TOP1MT: variants seen among roughly 807,000 people sequenced by gnomAD.
TOP1MT encodes the protein DNA topoisomerase I, mitochondrial.
TOP1MT carries 80 observed loss-of-function variants against 73.9 expected under a neutral mutation model. That is an observed-to-expected ratio of 1.08 (90% CI 0.90 to 1.30). TOP1MT has a LOEUF of 1.30. Ranked by LOEUF, TOP1MT falls within the 50% of genes most tolerant of loss-of-function variation. TOP1MT has a pLI of 0.00. For synonymous variants in TOP1MT, 338 were observed against 326.4 expected (o/e 1.04, Z -0.38); for missense variants, 815 against 808.0 (o/e 1.01, Z -0.10).
chr8:143,339,758 G>A (rs1037190521), upstream of TOP1MT, among the ~76,000 whole-genome samples: 4 of 149,666 alleles, frequency 2.7e-5, no homozygotes, highest in African/African-American at 9.9e-5. Flanking sequence ...GGCCTGTGCT[G>A]GTCTAAACTG....
At chr8:143,314,496 A>G (rs916124912) in intron 12 of TOP1MT, among the ~76,000 whole-genome samples, 20 of 150,242 alleles carry the variant, frequency 1.3e-4, no homozygotes, top group Admixed American at 1.1e-3. Flanking sequence ...CGGGAGGCTG[A>G]GGCAGGAGAA....
chr8:143,350,296 A>G (rs964260428), intron 1 of TOP1MT: 1 of 151,982 alleles, frequency 6.6e-6, no homozygotes, highest in Non-Finnish European at 1.5e-5. Flanking sequence ...GAACACAACC[A>G]CTATACACCA....
chr8:143,331,498 C>A (rs916644079), intron 1 of TOP1MT, among the ~76,000 whole-genome samples, 159 bp from the exon 2 acceptor site: 2 of 152,180 alleles, frequency 1.3e-5, no homozygotes, highest in Non-Finnish European at 2.9e-5. Context: ...GGAGGCAACC[C>A]TACCTGACCT....
chr8:143,339,923 A>G (rs1290598776), intron 2 of TOP1MT, among the ~76,000 whole-genome samples: 2 of 84,436 alleles, frequency 2.4e-5, no homozygotes, highest in South Asian at 5.4e-4. Context: ...GCACTGGTCT[A>G]CACAGCATTA....
At position 143,324,469 on chromosome 8, in the gene TOP1MT, C is replaced by A. The variant is rs1169489999; in HGVS notation, c.816+16G>T. 3 of 1,613,618 alleles carry A rather than the reference C, an allele frequency of 1.9e-6. No individual in the cohort carries two copies. Among genetic ancestry groups the A allele is most frequent in the Non-Finnish European group, 2.5e-6 (3 of 1,179,976 alleles). ...ACCTCCTGGGGAGGAAACACCCTGC[C>A]AAGCCCTGCGCTCACCTTCAGCTTC... On this transcript the variant is annotated intron_variant, in intron 6 of 13. Coordinates refer to ENST00000329245, the MANE Select transcript of TOP1MT (RefSeq NM_052963.3).
rs557425803 is a variant in TOP1MT at position 143,343,029 on chromosome 8, A to G, written c.29+191T>C. On this transcript the variant is annotated intron_variant, in intron 2 of 5. Coordinates refer to the TOP1MT transcript ENST00000518007. ...ACCCACCTCCGCCTCCCAAAGTGCTAGGATTATAGGCATGAGCCACCACGC... is the reference window on the plus strand; with the variant it reads ...ACCCACCTCCGCCTCCCAAAGTGCTGGGATTATAGGCATGAGCCACCACGC... Among the ~76,000 whole-genome samples the G allele has an allele frequency of 3.4e-3, 515 of 152,146 alleles. 1 individual carries two copies. The highest frequency in any genetic ancestry group is 6.2e-3 in the Non-Finnish European group (420 of 68,008).
At chr8:143,357,289 A>G (rs1487093062), upstream of TOP1MT, among the ~76,000 whole-genome samples, 5 of 151,232 alleles carry the variant, frequency 3.3e-5, no homozygotes, top group African/African-American at 9.7e-5. Flanking sequence ...AGTGCACACC[A>G]GTAGTCCAGC....
At chr8:143,330,439 C>T (rs1194828496) in intron 2 of TOP1MT, among the ~76,000 whole-genome samples, 1 of 152,198 alleles carries the variant, frequency 6.6e-6, no homozygotes, top group Non-Finnish European at 1.5e-5. Context: ...ACAGCTAGAA[C>T]CTCTGTCCCT....
At chr8:143,320,377 G>T (rs1346418198) in intron 8 of TOP1MT, among the ~76,000 whole-genome samples, 1 of 152,018 alleles carries the variant, frequency 6.6e-6, no homozygotes, top group Non-Finnish European at 1.5e-5. Flanking sequence ...TGATCCACCC[G>T]CCTTGGCCTC....
chr8:143,344,510 A>G lies in TOP1MT; in HGVS notation c.-39+406T>C. 6.6e-6 allele frequency: 1 copy of G among 152,142 alleles called. No individual in the cohort carries two copies. Among genetic ancestry groups the G allele is most frequent in the Non-Finnish European group, 1.5e-5 (1 of 68,218 alleles). 9.4% of individuals were successfully genotyped at this position (152,142 alleles called of 1,614,324 possible). A position where few individuals can be genotyped will look rare whatever the true frequency, so the allele number is the denominator to read the frequency against. On this transcript the variant is annotated intron_variant, in intron 1 of 5. Transcript: ENST00000518007. This position sits in a 1 kb window ranked among gnomAD's most constrained non-coding sequence, Gnocchi z 4.6. ...CCGTGACTCCCCCAGCCCCATGCCCACCCAGGATACAAAGGCAAGCCTCCC... is the reference window on the plus strand; with the variant it reads ...CCGTGACTCCCCCAGCCCCATGCCCGCCCAGGATACAAAGGCAAGCCTCCC...
At position 143,316,033 on chromosome 8, in the gene TOP1MT, G is replaced by T; in HGVS notation, c.1424C>A (p.Thr475Lys). Residue 475 changes from threonine (T) to lysine (K), a missense_variant, in exon 11 of 14, where the codon ACG becomes AAG. By Grantham distance (78) the Thr-to-Lys change is moderately conservative. Coordinates refer to ENST00000329245, the MANE Select transcript of TOP1MT (RefSeq NM_052963.3). ...GAGATTCTGCATCGACTTCTCGAAC[G>T]TACTGGGGGTTGCTCGCTGATGGTT... ...LCNHQRATPS[T>K]FEKSMQNLQT... The T allele has an allele frequency of 6.2e-7, 1 of 1,614,140 alleles. No homozygotes were observed. Among genetic ancestry groups the T allele is most frequent in the Non-Finnish European group, 8.5e-7 (1 of 1,179,982 alleles).
At position 143,334,825 on chromosome 8, in the gene TOP1MT, G is replaced by T. The variant is rs1563768371; in HGVS notation, c.37C>A (p.Leu13Met). 2 of 1,523,396 alleles carry T rather than the reference G, an allele frequency of 1.3e-6. No individual in the cohort carries two copies. The highest frequency in any genetic ancestry group is 4.1e-5 in the Admixed American group (2 of 48,308). The allele number at this position is 1,523,396 out of a possible 1,614,324, so 94.4% of individuals were successfully genotyped here. A position where few individuals can be genotyped will look rare whatever the true frequency, so the allele number is the denominator to read the frequency against. Residue 13 changes from leucine to methionine, a missense_variant, in exon 1 of 14, where the codon CTG (leucine) becomes ATG (methionine). This residue lies in a region of TOP1MT where 60 missense variants were observed against 65.9 expected (regional missense o/e 0.91). Transcript: ENST00000329245. ...CGGGGGACCTCCCCGAGCAGCGTCAGAGCCGCCCGGAGCCGCAGCAGCCGC... is the reference window on the plus strand; with the variant it reads ...CGGGGGACCTCCCCGAGCAGCGTCATAGCCGCCCGGAGCCGCAGCAGCCGC... ...VVRLLRLRAA[L>M]TLLGEVPRRP... is the part of the protein sequence containing the mutation.
At chr8:143,323,021 C>T (rs1464378342) in intron 7 of TOP1MT, among the ~76,000 whole-genome samples, 2 of 71,878 alleles carry the variant, frequency 2.8e-5, no homozygotes, top group Admixed American at 1.8e-4. Context: ...CACACACATG[C>T]ACACACACAC....
At chr8:143,343,252 G>A in exon 2 of TOP1MT, 1 of 456,282 alleles carries the variant, frequency 2.2e-6, no homozygotes, top group South Asian at 1.5e-5. Context: ...TTTTCATGGT[G>A]ATTAGTCTTC....
intron 3 of TOP1MT, chr8:143,328,200 G>A: frequency 2.2e-6 from 1 of 454,956 alleles, no homozygotes; most frequent in Non-Finnish European, 4.4e-6. Flanking sequence ...CACCATAAAA[G>A]ACAGATTGAT....
upstream of TOP1MT, among the ~76,000 whole-genome samples, chr8:143,358,224 T>C (rs769406015): frequency 6.6e-6 from 1 of 152,224 alleles, no homozygotes; most frequent in South Asian, 2.1e-4. Flanking sequence ...TTTCCAGCCT[T>C]ATCTGCCCAG....
upstream of TOP1MT, among the ~76,000 whole-genome samples, chr8:143,335,691 A>G (rs1457988296): frequency 1.3e-5 from 2 of 152,228 alleles, no homozygotes; most frequent in African/African-American, 4.8e-5. Context: ...TAAAACCCTG[A>G]CACCAGGACC....
At chr8:143,350,659 C>T (rs902867090) in intron 1 of TOP1MT, among the ~76,000 whole-genome samples, 1 of 152,230 alleles carries the variant, frequency 6.6e-6, no homozygotes, top group African/African-American at 2.4e-5. Flanking sequence ...AAACAAATTC[C>T]TTATTATCGA....
chr8:143,317,934 A>G, intron 9 of TOP1MT, 84 bp downstream of exon 9: 1 of 1,594,924 alleles, frequency 6.3e-7, no homozygotes, highest in Non-Finnish European at 8.6e-7. Flanking sequence ...GGGTCAGGAC[A>G]AAACCCTGGG....
Sources: allele counts gnomAD v4.1 joint callset (sites outside exome capture counted in the v4.1 genomes callset), GRCh38; gene constraint gnomAD v4.1.1; regional missense constraint gnomAD v4.1.1; non-coding constraint Gnocchi (gnomAD v3.1); transcripts MANE v1.5; gene names NCBI Gene and HGNC (gene_info 2026-07-23, HGNC 2026-07-21).